Variants in NUS1 observed in about 807,000 individuals in gnomAD.
The protein encoded by NUS1 is NUS1 dehydrodolichyl diphosphate synthase subunit, also known as dehydrodolichyl diphosphate synthase complex subunit NUS1.
For missense variants in NUS1, 292 were observed against 382.9 expected (o/e 0.76, Z 1.98); for synonymous variants, 135 against 155.2 (o/e 0.87, Z 0.97).
At position 117,707,141 on chromosome 6, in the gene NUS1, A is replaced by G. The variant is rs189173604; in HGVS notation, c.*126A>G. On this transcript the variant is annotated 3_prime_UTR_variant, in exon 5 of 5. Transcript: ENST00000368494. ...TCATAATCCTCATAATTTATCAACA[A>G]ACACAAAAAAGTGTCTTACTTGAGA... 1 of 840,942 alleles carries G rather than the reference A, an allele frequency of 1.2e-6. No homozygotes were observed. Among genetic ancestry groups the G allele is most frequent in the Non-Finnish European group, 1.9e-6 (1 of 519,524 alleles). 52.1% of individuals were successfully genotyped at this position (840,942 alleles called of 1,614,324 possible). A position where few individuals can be genotyped will look rare whatever the true frequency, so the allele number is the denominator to read the frequency against.
intron 1 of NUS1, among the ~76,000 whole-genome samples, chr6:117,688,623 A>G (rs1441028217): frequency 6.6e-6 from 1 of 152,006 alleles, no homozygotes; most frequent in Non-Finnish European, 1.5e-5. Flanking sequence ...TTTATTTTCT[A>G]CCCTTGATGT....
chr6:117,686,637 A>G (rs1473410672), intron 1 of NUS1, among the ~76,000 whole-genome samples: 1 of 152,210 alleles, frequency 6.6e-6, no homozygotes, highest in Non-Finnish European at 1.5e-5. Flanking sequence ...TTATTTCTGA[A>G]TGAATATGGC....
intron 1 of NUS1, among the ~76,000 whole-genome samples, chr6:117,679,240 G>C (rs531957147): frequency 6.6e-6 from 1 of 152,306 alleles, no homozygotes; most frequent in African/African-American, 2.4e-5. Flanking sequence ...ATATTTGTCT[G>C]GTAAGGAAGG....
intron 1 of NUS1, among the ~76,000 whole-genome samples, chr6:117,685,964 TAAA>T (rs374609117): frequency 2.9e-5 from 3 of 104,162 alleles, no homozygotes; most frequent in African/African-American, 3.4e-5. Flanking sequence ...TCCGTCTCAT[TAAA>T]AAAAAAAAAA....
At chr6:117,703,780 G>A (rs1773462174) in intron 4 of NUS1, 76 bp downstream of exon 4, 1 of 994,424 alleles carries the variant, frequency 1.0e-6, no homozygotes, top group Admixed American at 1.7e-5. Context: ...ACTAGATCTG[G>A]TGGGGATTTC....
At chr6:117,690,319 C>A (rs1466416110) in intron 1 of NUS1, among the ~76,000 whole-genome samples, 1 of 152,106 alleles carries the variant, frequency 6.6e-6, no homozygotes, top group Non-Finnish European at 1.5e-5. Flanking sequence ...TCTTAGCCTT[C>A]TACTTTTCTC....
At chr6:117,685,270 C>T (rs1031127237) in intron 1 of NUS1, among the ~76,000 whole-genome samples, 5 of 151,856 alleles carry the variant, frequency 3.3e-5, no homozygotes, top group African/African-American at 1.2e-4. Flanking sequence ...TTATTTTTTT[C>T]AACTTTTATT....
chr6:117,710,475 T>TA lies in NUS1; in HGVS notation c.*3461dup, dbSNP rs1272443284. The TA allele has an allele frequency of 6.6e-6, 1 of 152,088 alleles. No homozygotes were observed. The highest frequency in any genetic ancestry group is 6.6e-5 in the Admixed American group (1 of 15,266). The allele number at this position is 152,088 out of a possible 1,614,324, so 9.4% of individuals were successfully genotyped here. On this transcript the variant is annotated 3_prime_UTR_variant, in exon 5 of 5. Coordinates refer to ENST00000368494, the MANE Select transcript of NUS1 (RefSeq NM_138459.5). ...AAAGAATTTCTTAAGGTTTAAAAAA[T>TA]ACACTTTTCATTATAGGAAAAAGAA...
At chr6:117,703,985 A>C (rs1490477601) in intron 4 of NUS1, among the ~76,000 whole-genome samples, 1 of 152,166 alleles carries the variant, frequency 6.6e-6, no homozygotes, top group Non-Finnish European at 1.5e-5. Context: ...GATACATAAA[A>C]TGGGTAGTTT....
At chr6:117,703,751 T>G in intron 4 of NUS1, 47 bp downstream of exon 4, 1 of 1,302,566 alleles carries the variant, frequency 7.7e-7, no homozygotes. Context: ...CAGCAAGTGT[T>G]TCTTGAGTTC....
chr6:117,677,664 C>T (rs1562173677), intron 1 of NUS1, among the ~76,000 whole-genome samples: 1 of 152,174 alleles, frequency 6.6e-6, no homozygotes. Context: ...ATCTTTCCTG[C>T]AGCCCGCAAG....
At chr6:117,686,230 AGC>A (rs1773138088) in intron 1 of NUS1, among the ~76,000 whole-genome samples, 1 of 152,226 alleles carries the variant, frequency 6.6e-6, no homozygotes, top group South Asian at 2.1e-4. Flanking sequence ...ACTGCACTCC[AGC>A]CTGGGCAACA....
chr6:117,696,323 C>G (rs537345768), intron 3 of NUS1, among the ~76,000 whole-genome samples: 17 of 152,100 alleles, frequency 1.1e-4, no homozygotes, highest in African/African-American at 4.1e-4. Flanking sequence ...AGAGGAGATA[C>G]AGAGAGAGAA....
chr6:117,682,843 C>T (rs143143482), intron 1 of NUS1, among the ~76,000 whole-genome samples: 50 of 152,240 alleles, frequency 3.3e-4, no homozygotes, highest in East Asian at 7.7e-4. Flanking sequence ...AAGAATGTGA[C>T]GACAGTAGTC....
Position 117,675,585 on chromosome 6 carries a change from C to T in NUS1, c.-86C>T, listed in dbSNP as rs1772957494. ...GGGCGGGGGGACGCGGAGCGATGGCCCGCGCCGGCCGCAGGGGCGGATAAA... is the reference window on the plus strand; with the variant it reads ...GGGCGGGGGGACGCGGAGCGATGGCTCGCGCCGGCCGCAGGGGCGGATAAA... On this transcript the variant is annotated 5_prime_UTR_variant, in exon 1 of 5. Coordinates refer to ENST00000368494, the MANE Select transcript of NUS1 (RefSeq NM_138459.5). 2 of 1,404,118 alleles carry T rather than the reference C, an allele frequency of 1.4e-6. No homozygotes were observed. The highest frequency in any genetic ancestry group is 2.0e-5 in the Admixed American group (1 of 48,902). 87.0% of individuals were successfully genotyped at this position (1,404,118 alleles called of 1,614,324 possible).
At chr6:117,696,059 AAT>A (rs1773315126) in intron 3 of NUS1, among the ~76,000 whole-genome samples, 1 of 151,970 alleles carries the variant, frequency 6.6e-6, no homozygotes, top group African/African-American at 2.4e-5. Context: ...AGAAAGTCAG[AAT>A]TCTATCAGAT....
In NUS1 at chr6:117,706,052, A is replaced by C. The variant is rs1028738708; in HGVS notation, c.792-873A>C. On this transcript the variant is annotated intron_variant, in intron 4 of 4. Coordinates refer to ENST00000368494, the MANE Select transcript of NUS1 (RefSeq NM_138459.5). Reference sequence around the variant, plus strand: ...GTAGGACTCTGACTGTGACTCTTCTATTCTGACCAGGTGTTTGACCCTGAT... The same window carrying C: ...GTAGGACTCTGACTGTGACTCTTCTCTTCTGACCAGGTGTTTGACCCTGAT... Among the ~76,000 whole-genome samples the C allele has an allele frequency of 1.3e-5, 2 of 152,126 alleles. 1 individual carries two copies. The highest frequency in any genetic ancestry group is 4.1e-4 in the South Asian group (2 of 4,830).
chr6:117,703,397 C>T (rs1054648722), intron 3 of NUS1, among the ~76,000 whole-genome samples: 2 of 152,094 alleles, frequency 1.3e-5, no homozygotes, highest in Non-Finnish European at 1.5e-5. Flanking sequence ...AGAAAACTTC[C>T]ACATTTGGAA....
Position 117,709,732 on chromosome 6 carries a change from G to A in NUS1, c.*2717G>A, listed in dbSNP as rs934166474. ...TGTAAAGCCAGTTTTTATGATTAAGGAATCAAATTTATTGAATTTTATTAT... is the reference window on the plus strand; with the variant it reads ...TGTAAAGCCAGTTTTTATGATTAAGAAATCAAATTTATTGAATTTTATTAT... On this transcript the variant is annotated 3_prime_UTR_variant, in exon 5 of 5. Transcript: ENST00000368494. 2.0e-5 allele frequency: 3 copies of A among 152,454 alleles called. No homozygotes were observed. The highest frequency in any genetic ancestry group is 4.4e-5 in the Non-Finnish European group (3 of 67,964). 9.4% of individuals were successfully genotyped at this position (152,454 alleles called of 1,614,324 possible). A position where few individuals can be genotyped will look rare whatever the true frequency, so the allele number is the denominator to read the frequency against.
Sources: allele counts gnomAD v4.1 joint callset (sites outside exome capture counted in the v4.1 genomes callset), GRCh38; gene constraint gnomAD v4.1.1; transcripts MANE v1.5; gene names NCBI Gene and HGNC (gene_info 2026-07-23, HGNC 2026-07-21).